Variants in MAP3K5 observed in about 807,000 individuals in gnomAD.
The protein encoded by MAP3K5 is mitogen-activated protein kinase kinase kinase 5, also known as ASK-1.
In MAP3K5, 56 loss-of-function variants were observed where a neutral mutation model predicts 158.7. That is an observed-to-expected ratio of 0.35 (90% CI 0.28 to 0.44). The LOEUF (loss-of-function observed/expected upper bound fraction) is 0.44. MAP3K5 is among the 20% of genes least tolerant of loss of function. MAP3K5 has a pLI of 1.00. For synonymous variants in MAP3K5, 579 were observed against 601.7 expected (o/e 0.96, Z 0.55); for missense variants, 1,294 against 1,674.8 (o/e 0.77, Z 3.97).
At chr6:136,634,616 G>A (rs1777530393) in intron 14 of MAP3K5, among the ~76,000 whole-genome samples, 1 of 151,668 alleles carries the variant, frequency 6.6e-6, no homozygotes, top group Non-Finnish European at 1.5e-5. Flanking sequence ...GTCTCACTCT[G>A]CAGCTCAGGC....
At chr6:136,658,889 T>C (rs1032845401) in intron 9 of MAP3K5, among the ~76,000 whole-genome samples, 2 of 152,210 alleles carry the variant, frequency 1.3e-5, no homozygotes, top group Non-Finnish European at 2.9e-5. Flanking sequence ...GCAATGGAAA[T>C]GTGGTCTCAG....
At chr6:136,786,800 CTT>C (rs11296757) in intron 1 of MAP3K5, among the ~76,000 whole-genome samples, 1,339 of 101,172 alleles carry the variant, frequency 0.013, 6 homozygotes, top group African/African-American at 0.02. Flanking sequence ...TTAAGTTCTT[CTT>C]TTTTTTTTTT....
At chr6:136,723,437 T>C (rs1781828419) in intron 1 of MAP3K5, among the ~76,000 whole-genome samples, 1 of 152,314 alleles carries the variant, frequency 6.6e-6, no homozygotes, top group Non-Finnish European at 1.5e-5. Flanking sequence ...TATATCCATG[T>C]GCATAAAAAA....
At chr6:136,604,802 T>C (rs1776033490) in intron 19 of MAP3K5, among the ~76,000 whole-genome samples, 1 of 152,138 alleles carries the variant, frequency 6.6e-6, no homozygotes, top group Non-Finnish European at 1.5e-5. Flanking sequence ...CTTCAAACTA[T>C]TATGGTAGAG....
At chr6:136,727,968 A>C (rs1782044816) in intron 1 of MAP3K5, among the ~76,000 whole-genome samples, 1 of 150,548 alleles carries the variant, frequency 6.6e-6, no homozygotes, top group South Asian at 2.1e-4. Flanking sequence ...CCTCAAAGAA[A>C]AAAAAAAAAA....
chr6:136,626,379 T>C (rs956117254), intron 14 of MAP3K5, among the ~76,000 whole-genome samples: 1 of 152,200 alleles, frequency 6.6e-6, no homozygotes, highest in Admixed American at 6.5e-5. Context: ...CATTAGAGAA[T>C]AGCCCTGTTC....
At chr6:136,709,142 A>G (rs2114726075) in intron 2 of MAP3K5, among the ~76,000 whole-genome samples, 1 of 152,282 alleles carries the variant, frequency 6.6e-6, no homozygotes, top group South Asian at 2.1e-4. Flanking sequence ...CTCACCCTAC[A>G]TCATGACTTC....
chr6:136,694,624 G>A (rs191953244), intron 6 of MAP3K5, among the ~76,000 whole-genome samples: 3 of 152,276 alleles, frequency 2.0e-5, no homozygotes, highest in African/African-American at 4.8e-5. Flanking sequence ...TTGGTGAAAC[G>A]AGATTAGAGT....
At chr6:136,621,921 T>C (rs1386599960) in intron 15 of MAP3K5, among the ~76,000 whole-genome samples, 1 of 151,684 alleles carries the variant, frequency 6.6e-6, no homozygotes, top group Non-Finnish European at 1.5e-5. Flanking sequence ...CGCGTCTCTA[T>C]TAAAAATACA....
chr6:136,730,159 TTTTTTTTGTTTTTTG>T (rs1304453474), intron 1 of MAP3K5, among the ~76,000 whole-genome samples: 2 of 138,804 alleles, frequency 1.4e-5, no homozygotes, highest in Non-Finnish European at 3.0e-5. Context: ...GGTTGTTTTT[TTTTTTTTGTTTTTTG>T]TTTTTGTAGA....
Position 136,622,970 on chromosome 6 carries a change from T to C in MAP3K5, c.2028A>G (p.Glu676=). 1.2e-6 allele frequency: 2 copies of C among 1,613,926 alleles called. No homozygotes were observed. Among genetic ancestry groups the C allele is most frequent in the Non-Finnish European group, 1.7e-6 (2 of 1,179,918 alleles). The change falls in exon 15 of 30, where the codon GAA becomes GAG. Residue 676 remains glutamate (E), a synonymous_variant. Coordinates refer to ENST00000359015, the MANE Select transcript of MAP3K5 (RefSeq NM_005923.4). Reference sequence around the variant, plus strand: ...CGACTCTGTCACCATTTTCATCATATTCATAGTCATACTACAAAAGGAAAA... The same window carrying C: ...CGACTCTGTCACCATTTTCATCATACTCATAGTCATACTACAAAAGGAAAA... ...CESDLLEYDY[E]YDENGDRVVL... is the part of the protein sequence containing the mutation.
At chr6:136,607,752 C>T (rs1036437648) in intron 18 of MAP3K5, among the ~76,000 whole-genome samples, 1 of 152,164 alleles carries the variant, frequency 6.6e-6, no homozygotes, top group African/African-American at 2.4e-5. Context: ...AACAGATCCA[C>T]ACTGAGGACC....
chr6:136,780,231 T>C (rs183615261), intron 1 of MAP3K5, among the ~76,000 whole-genome samples: 1 of 152,212 alleles, frequency 6.6e-6, no homozygotes, highest in Non-Finnish European at 1.5e-5. Flanking sequence ...GCAAAACTGA[T>C]AGTAATGCAA....
At chr6:136,773,263 T>A (rs545109381) in intron 1 of MAP3K5, among the ~76,000 whole-genome samples, 1 of 152,130 alleles carries the variant, frequency 6.6e-6, no homozygotes, top group South Asian at 2.1e-4. Context: ...ACCTTGGGAG[T>A]AGCCTGCACC....
At chr6:136,754,469 C>A (rs1397962450) in intron 1 of MAP3K5, among the ~76,000 whole-genome samples, 1 of 151,740 alleles carries the variant, frequency 6.6e-6, no homozygotes. Flanking sequence ...GTCCTAGCTA[C>A]TCGGAAGGCT....
At chr6:136,568,965 C>T (rs180863157) in intron 25 of MAP3K5, among the ~76,000 whole-genome samples, 45 of 151,742 alleles carry the variant, frequency 3.0e-4, no homozygotes, top group Admixed American at 1.1e-3. Flanking sequence ...CAAGGGGATC[C>T]CCAAAAAAAC....
At chr6:136,704,986 A>C (rs1292522635) in intron 3 of MAP3K5, 124 bp downstream of exon 3, 1 of 542,584 alleles carries the variant, frequency 1.8e-6, no homozygotes, top group Non-Finnish European at 3.2e-6. Context: ...GATACATCAG[A>C]AAATCTAAAG....
intron 1 of MAP3K5, among the ~76,000 whole-genome samples, chr6:136,773,355 T>C (rs1421034963): frequency 6.6e-6 from 1 of 152,174 alleles, no homozygotes; most frequent in Non-Finnish European, 1.5e-5. Flanking sequence ...CCTTCTGTTG[T>C]TCTCCAGAAA....
chr6:136,675,180 A>T (rs1288162174), intron 7 of MAP3K5, among the ~76,000 whole-genome samples: 1 of 152,040 alleles, frequency 6.6e-6, no homozygotes, highest in Non-Finnish European at 1.5e-5. Context: ...CATGGCTTCA[A>T]AACATATACA....
Sources: allele counts gnomAD v4.1 joint callset (sites outside exome capture counted in the v4.1 genomes callset), GRCh38; gene constraint gnomAD v4.1.1; transcripts MANE v1.5; gene names NCBI Gene and HGNC (gene_info 2026-07-23, HGNC 2026-07-21).